Variants in TDRP observed in about 807,000 individuals in gnomAD.
TDRP encodes testis development related protein, also known as testis development-related protein.
A neutral mutation model predicts 10.5 loss-of-function variants in TDRP; 12 were observed. The ratio of observed to expected loss-of-function variants is 1.15; its 90% CI spans 0.73 to 1.86. The LOEUF is 1.86. Ranked by LOEUF, TDRP falls within the 40% of genes most tolerant of loss-of-function variation. The pLI is 0.00. For missense variants in TDRP, 353 were observed against 229.2 expected, an observed-to-expected ratio of 1.54 and a Z score of -3.49; for synonymous variants, 139 against 95.4, an observed-to-expected ratio of 1.46 and a Z score of -2.67.
intron 1 of TDRP, among the ~76,000 whole-genome samples, chr8:517,297 G>A (rs546323090): frequency 6.6e-5 from 10 of 152,238 alleles, no homozygotes; most frequent in East Asian, 1.9e-4. Context: ...GAATGGCCCT[G>A]CCCAGCTGTC....
In TDRP at chr8:518,539, A is replaced by G. The variant is rs141189041; in HGVS notation, c.109-23942T>C. On this transcript the variant is annotated intron_variant, in intron 1 of 2. Coordinates refer to ENST00000324079, the MANE Select transcript of TDRP (RefSeq NM_001384899.1). ...GATTTTAGTATACAGTAAGAGGTGCATGACAAAAAAGGAAAAAGAACAAAA... is the reference window on the plus strand; with the variant it reads ...GATTTTAGTATACAGTAAGAGGTGCGTGACAAAAAAGGAAAAAGAACAAAA... Among the ~76,000 whole-genome samples the G allele has an allele frequency of 4.0e-3, 602 of 152,336 alleles. 3 individuals are homozygous for G. The highest frequency in any genetic ancestry group is 0.014 in the African/African-American group (577 of 41,580).
upstream of TDRP, chr8:544,858 G>T (rs1225735256): frequency 6.9e-6 from 6 of 874,554 alleles, no homozygotes; most frequent in Admixed American, 1.3e-4. Context: ...GCGGGACGCG[G>T]GCCCAGTGGG....
chr8:544,273 G>C (rs1802577169), intron 1 of TDRP, among the ~76,000 whole-genome samples: 1 of 151,868 alleles, frequency 6.6e-6, no homozygotes, highest in African/African-American at 2.4e-5. Flanking sequence ...CTGCGTCCCG[G>C]GCCCACGACG....
intron 1 of TDRP, among the ~76,000 whole-genome samples, chr8:512,102 C>A (rs914650583): frequency 1.4e-4 from 22 of 151,792 alleles, no homozygotes; most frequent in African/African-American, 5.3e-4. Context: ...GAGAAATAAA[C>A]AAAACCAAAA....
rs865920682 is a variant in TDRP, at chr8:524,833, C to A, written c.108+19817G>T. On this transcript the variant is annotated intron_variant, in intron 1 of 2. Transcript: ENST00000324079. ...GATCTAGAAAATAGCCTCAAAAAGGCAAAGCTAGGAGTTATTGGCCTTAAA... is the reference window on the plus strand; with the variant it reads ...GATCTAGAAAATAGCCTCAAAAAGGAAAAGCTAGGAGTTATTGGCCTTAAA... 4.1e-4 allele frequency among the ~76,000 whole-genome samples: 63 copies of A among 152,044 alleles called. 1 individual carries two copies. Among genetic ancestry groups the A allele is most frequent in the South Asian group, 1.0e-3 (5 of 4,804 alleles).
At position 492,471 on chromosome 8, in the gene TDRP, C is replaced by G; in HGVS notation, c.486G>C (p.Ala162=). Residue 162 remains alanine, a synonymous_variant, in exon 3 of 3, where the codon GCG becomes GCC. Transcript: ENST00000324079. ...GTCGGATGCTCACCAGCCTCCCTGC[C>G]GCGCGCAGGCTCCACCTGGAGCTGT... ...SANSSRWSLR[A]AGRLVSIRRQ... 6.2e-7 allele frequency: 1 copy of G among 1,605,596 alleles called. No individual in the cohort carries two copies. Among genetic ancestry groups the G allele is most frequent in the East Asian group, 2.2e-5 (1 of 44,644 alleles).
At chr8:528,247 G>C (rs1052065059) in intron 1 of TDRP, among the ~76,000 whole-genome samples, 3 of 152,174 alleles carry the variant, frequency 2.0e-5, no homozygotes, top group African/African-American at 4.8e-5. Flanking sequence ...TTATCCAAAA[G>C]ACAGGCAATA....
rs984016387 is a variant in TDRP at position 493,707 on chromosome 8, A to G, written c.212+787T>C. On this transcript the variant is annotated intron_variant, in intron 2 of 2. Coordinates refer to ENST00000324079, the MANE Select transcript of TDRP (RefSeq NM_001384899.1). ...AGCAAGGTCAGTTTAAATGTATTCA[A>G]TTCTCTAAAATCTTTTACAGTTTAC... Among the ~76,000 whole-genome samples, 6 of 152,218 alleles carry G rather than the reference A, an allele frequency of 3.9e-5. 1 individual carries two copies. The highest frequency in any genetic ancestry group is 1.4e-4 in the African/African-American group (6 of 41,450).
At chr8:515,504 C>A (rs1801733197) in intron 1 of TDRP, among the ~76,000 whole-genome samples, 1 of 152,160 alleles carries the variant, frequency 6.6e-6, no homozygotes, top group South Asian at 2.1e-4. Flanking sequence ...ATCCAAAATG[C>A]TCCAATGGGC....
intron 2 of TDRP, among the ~76,000 whole-genome samples, chr8:493,173 G>C (rs188702320): frequency 4.8e-4 from 73 of 152,304 alleles, no homozygotes; most frequent in Non-Finnish European, 8.4e-4. Flanking sequence ...CAAGCATTTA[G>C]TAGGTAATTT....
At chr8:496,783 G>A (rs1354062710) in intron 1 of TDRP, among the ~76,000 whole-genome samples, 1 of 152,194 alleles carries the variant, frequency 6.6e-6, no homozygotes, top group East Asian at 1.9e-4. Context: ...GGAGGGACCT[G>A]GTGGGAGATG....
At chr8:525,380 T>C (rs1802008925) in intron 1 of TDRP, among the ~76,000 whole-genome samples, 1 of 152,156 alleles carries the variant, frequency 6.6e-6, no homozygotes, top group Non-Finnish European at 1.5e-5. Flanking sequence ...GTACAAAACT[T>C]ACTGGTAATA....
At chr8:514,849 G>A (rs1338589392) in intron 1 of TDRP, among the ~76,000 whole-genome samples, 2 of 152,062 alleles carry the variant, frequency 1.3e-5, no homozygotes, top group Admixed American at 6.6e-5. Flanking sequence ...GTCCTCCAAG[G>A]AATGGCACCA....
chr8:493,931 G>C (rs1585131739), intron 2 of TDRP, among the ~76,000 whole-genome samples: 1 of 151,036 alleles, frequency 6.6e-6, no homozygotes, highest in East Asian at 1.9e-4. Flanking sequence ...GAGACCCTCA[G>C]GACCTTTTAT....
At chr8:501,285 G>T (rs1275276653) in intron 1 of TDRP, among the ~76,000 whole-genome samples, 1 of 152,098 alleles carries the variant, frequency 6.6e-6, no homozygotes, top group African/African-American at 2.4e-5. Context: ...GCACCTACCA[G>T]TTCAGTCCAG....
At chr8:493,015 G>C (rs1218870145) in intron 2 of TDRP, among the ~76,000 whole-genome samples, 2 of 152,116 alleles carry the variant, frequency 1.3e-5, no homozygotes, top group East Asian at 3.9e-4. Flanking sequence ...TATCACACAA[G>C]AGAGAACCTC....
chr8:538,171 G>A (rs564647670), intron 1 of TDRP, among the ~76,000 whole-genome samples: 26 of 152,298 alleles, frequency 1.7e-4, no homozygotes, highest in South Asian at 6.2e-4. Context: ...GCAGCCAACC[G>A]CAAAGGAGTC....
At chr8:540,939 T>G (rs1802475057) in intron 1 of TDRP, among the ~76,000 whole-genome samples, 1 of 152,140 alleles carries the variant, frequency 6.6e-6, no homozygotes, top group Non-Finnish European at 1.5e-5. Flanking sequence ...AACATCACAC[T>G]GACTGACAGA....
chr8:544,688 C>G lies in TDRP; in HGVS notation c.70G>C (p.Gly24Arg), dbSNP rs760219453. ...PPEEEDGLRG[G>R]PPPAAAAAAQ... ...GCGGCGGCGGCGGCCGGTGGCGGCC[C>G]CCCACGCAGGCCGTCCTCCTCCTCG... Residue 24 changes from glycine to arginine, a missense_variant, in exon 1 of 3, where the codon GGG (glycine) becomes CGG (arginine). Gly to Arg is a moderately radical substitution (Grantham distance 125). Transcript: ENST00000324079. 1.3e-4 allele frequency: 157 copies of G among 1,245,566 alleles called. No individual in the cohort carries two copies. The highest frequency in any genetic ancestry group is 1.5e-4 in the Non-Finnish European group (146 of 995,962). The allele number at this position is 1,245,566 out of a possible 1,614,324, so 77.2% of individuals were successfully genotyped here. A position where few individuals can be genotyped will look rare whatever the true frequency, so the allele number is the denominator to read the frequency against.
Sources: gnomAD v4.1 joint callset for allele counts (sites outside exome capture counted in the v4.1 genomes callset) on GRCh38, gnomAD v4.1.1 for gene constraint, MANE v1.5 for transcripts, NCBI Gene and HGNC (gene_info 2026-07-23, HGNC 2026-07-21) for gene names.